The following SLC8A1 variants were observed in gnomAD, a reference collection of about 807,000 sequenced individuals.
SLC8A1 encodes the protein solute carrier family 8 member A1.
SLC8A1 carries 18 observed loss-of-function variants against 68.3 expected under a neutral mutation model. The ratio of observed to expected loss-of-function variants is 0.26; its 90% CI spans 0.18 to 0.39. The LOEUF is 0.39. SLC8A1 is among the 10% of genes least tolerant of loss of function. The pLI, the probability that SLC8A1 is intolerant of heterozygous loss-of-function variation, is 1.00. For missense variants in SLC8A1, 985 were observed against 1,156.7 expected, an observed-to-expected ratio of 0.85 and a Z score of 2.15; for synonymous variants, 475 against 415.5, an observed-to-expected ratio of 1.14 and a Z score of -1.74.
intron 1 of SLC8A1, among the ~76,000 whole-genome samples, chr2:40,460,689 G>A (rs1367850947): frequency 6.6e-6 from 1 of 151,684 alleles, no homozygotes; most frequent in Non-Finnish European, 1.5e-5. Context: ...TCCTGCCCCA[G>A]CCTCCCCGAG....
chr2:40,188,668 G>T (rs1016226324), intron 2 of SLC8A1, among the ~76,000 whole-genome samples: 4 of 152,222 alleles, frequency 2.6e-5, no homozygotes, highest in African/African-American at 7.2e-5. Flanking sequence ...TAGGACAGCA[G>T]CTAGAATATG....
intron 5 of SLC8A1, among the ~76,000 whole-genome samples, chr2:40,164,222 C>T (rs1407255538): frequency 1.3e-5 from 2 of 152,134 alleles, no homozygotes; most frequent in African/African-American, 2.4e-5. Context: ...TAAGCTCCAT[C>T]CCCAGGCCCA....
At chr2:40,230,769 T>G (rs1230598809) in intron 2 of SLC8A1, among the ~76,000 whole-genome samples, 1 of 152,182 alleles carries the variant, frequency 6.6e-6, no homozygotes, top group Non-Finnish European at 1.5e-5. Flanking sequence ...AAAAAATAAA[T>G]GTACTTTCAT....
intron 7 of SLC8A1, among the ~76,000 whole-genome samples, chr2:40,138,741 G>A (rs764517920): frequency 6.6e-6 from 1 of 152,122 alleles, no homozygotes; most frequent in African/African-American, 2.4e-5. Flanking sequence ...ATGTTGTTTG[G>A]GAAGATGATG....
At chr2:40,291,902 AC>A (rs1160124611) in intron 2 of SLC8A1, among the ~76,000 whole-genome samples, 1 of 142,194 alleles carries the variant, frequency 7.0e-6, no homozygotes, top group Non-Finnish European at 1.5e-5. Context: ...AGACATCTTT[AC>A]TTTTTTTTTT....
chr2:40,357,682 A>G (rs1673148571), intron 2 of SLC8A1, among the ~76,000 whole-genome samples: 1 of 152,056 alleles, frequency 6.6e-6, no homozygotes, highest in African/African-American at 2.4e-5. Context: ...CGAGAACTTA[A>G]AGTATAATTT....
chr2:40,405,881 C>A (rs941853071), intron 2 of SLC8A1, among the ~76,000 whole-genome samples: 4 of 152,162 alleles, frequency 2.6e-5, no homozygotes, highest in Non-Finnish European at 5.9e-5. Context: ...TAACTGAAAT[C>A]TAACTTACAT....
chr2:40,265,053 T>A (rs886448875), intron 2 of SLC8A1, among the ~76,000 whole-genome samples: 3 of 152,170 alleles, frequency 2.0e-5, no homozygotes, highest in African/African-American at 7.2e-5. Context: ...GACAGAGGAA[T>A]GTGTTGCTTC....
chr2:40,287,361 G>C (rs1157514423), intron 2 of SLC8A1, among the ~76,000 whole-genome samples: 1 of 152,128 alleles, frequency 6.6e-6, no homozygotes, highest in Non-Finnish European at 1.5e-5. Context: ...TATGTTGGCA[G>C]CAGTCTATAC....
chr2:40,223,993 T>C (rs548191587), intron 2 of SLC8A1, among the ~76,000 whole-genome samples: 3 of 151,998 alleles, frequency 2.0e-5, no homozygotes, highest in Non-Finnish European at 4.4e-5. Context: ...TGCCCTAAAA[T>C]GACATAAGTA....
intron 2 of SLC8A1, among the ~76,000 whole-genome samples, chr2:40,181,656 A>T (rs1171522425): frequency 6.6e-6 from 1 of 152,248 alleles, no homozygotes; most frequent in African/African-American, 2.4e-5. Context: ...CAGTGGATCT[A>T]AAGTGGCAGG....
intron 1 of SLC8A1, among the ~76,000 whole-genome samples, chr2:40,474,273 A>G (rs144200350): frequency 2.6e-5 from 4 of 152,308 alleles, no homozygotes; most frequent in African/African-American, 7.2e-5. Flanking sequence ...ACTAATTTTC[A>G]TAAGTTCAGT....
chr2:40,145,835 CTTCTT>C (rs974286353), intron 6 of SLC8A1, among the ~76,000 whole-genome samples: 3 of 152,156 alleles, frequency 2.0e-5, no homozygotes, highest in Admixed American at 6.6e-5. Context: ...TGATCTGAAA[CTTCTT>C]TTCTTTCTTT....
chr2:40,433,938 G>A (rs1384823500), intron 1 of SLC8A1, among the ~76,000 whole-genome samples: 1 of 152,132 alleles, frequency 6.6e-6, no homozygotes, highest in East Asian at 1.9e-4. Context: ...GACTCAAACA[G>A]ACAAGCATCA....
intron 2 of SLC8A1, among the ~76,000 whole-genome samples, chr2:40,264,077 C>T (rs1277306405): frequency 3.3e-5 from 5 of 152,170 alleles, no homozygotes; most frequent in African/African-American, 4.8e-5. Flanking sequence ...GACATTTATG[C>T]AGCCAGAAGA....
exon 2 of SLC8A1, chr2:40,429,887 C>T: frequency 6.2e-7 from 1 of 1,613,484 alleles, no homozygotes; most frequent in Non-Finnish European, 8.5e-7. Context: ...GAAACTGTTT[C>T]ATTCCAGATC....
intron 4 of SLC8A1, among the ~76,000 whole-genome samples, chr2:40,172,776 A>C (rs1212589959): frequency 6.6e-6 from 1 of 151,996 alleles, no homozygotes; most frequent in Non-Finnish European, 1.5e-5. Context: ...CCTTGTCTCT[A>C]CTAAAAATAC....
rs142565001 is a variant in SLC8A1 at position 40,133,562 on chromosome 2, A to G, written c.2437+5839T>C. On this transcript the variant is annotated intron_variant, in intron 7 of 7. Coordinates refer to ENST00000406785, the Ensembl canonical transcript of SLC8A1. ...GCCAGAAACTAAAGGACAGCCTATC[A>G]TACCCAATTTTTAAGCTTTTCTGGC... 1.9e-3 allele frequency among the ~76,000 whole-genome samples: 285 copies of G among 152,276 alleles called. 1 individual carries two copies. The highest frequency in any genetic ancestry group is 6.5e-3 in the African/African-American group (269 of 41,564).
intron 2 of SLC8A1, among the ~76,000 whole-genome samples, chr2:40,239,353 T>G (rs894390038): frequency 6.6e-6 from 1 of 152,216 alleles, no homozygotes; most frequent in Non-Finnish European, 1.5e-5. Context: ...TATCTGGATT[T>G]TTTTCCTAGT....
Sources: allele counts gnomAD v4.1 joint callset (sites outside exome capture counted in the v4.1 genomes callset), GRCh38; gene constraint gnomAD v4.1.1; transcripts MANE v1.5; gene names NCBI Gene and HGNC (gene_info 2026-07-23, HGNC 2026-07-21).